ADARB2: variants seen among roughly 807,000 people sequenced by gnomAD.
The protein encoded by ADARB2 is inactive double-stranded RNA-specific editase B2.
ADARB2 carries 25 observed loss-of-function variants against 62.2 expected under a neutral mutation model. The ratio of observed to expected loss-of-function variants is 0.40; its 90% CI spans 0.29 to 0.56. The LOEUF (loss-of-function observed/expected upper bound fraction) is 0.56, where lower values mean the gene tolerates loss of function less well. Among genes scored for constraint, ADARB2 ranks in the 20% least tolerant of loss-of-function variants. The probability of loss-of-function intolerance (pLI) is 0.43; values close to 1 mark genes in which losing one functional copy is unlikely to be tolerated. For synonymous variants in ADARB2, 572 were observed against 500.8 expected (o/e 1.14, Z -1.90); for missense variants, 1,071 against 1,077.4 (o/e 0.99, Z 0.08).
intron 4 of ADARB2, among the ~76,000 whole-genome samples, chr10:1,250,388 G>A (rs1160154836): frequency 1.3e-5 from 2 of 152,020 alleles, no homozygotes; most frequent in South Asian, 2.1e-4. Flanking sequence ...TCCTCAAGGC[G>A]GTGAGTTCTT....
chr10:1,665,853 CA>C (rs1480030166), intron 1 of ADARB2, among the ~76,000 whole-genome samples: 2 of 152,198 alleles, frequency 1.3e-5, no homozygotes, highest in African/African-American at 4.8e-5. Context: ...GGGTTTGCAG[CA>C]TCTCAGGGCT....
chr10:1,234,056 C>T (rs1165583008), intron 5 of ADARB2, among the ~76,000 whole-genome samples: 1 of 150,824 alleles, frequency 6.6e-6, no homozygotes, highest in African/African-American at 2.4e-5. Flanking sequence ...CTGCAACCTC[C>T]ACCCACTGAG....
chr10:1,595,385 T>G (rs893693829), intron 1 of ADARB2, among the ~76,000 whole-genome samples: 9 of 152,108 alleles, frequency 5.9e-5, no homozygotes, highest in African/African-American at 2.2e-4. Flanking sequence ...CATCAGACAG[T>G]ATGGTATGGA....
chr10:1,561,672 G>A (rs1333348651), intron 1 of ADARB2, among the ~76,000 whole-genome samples: 14 of 152,094 alleles, frequency 9.2e-5, no homozygotes, highest in Non-Finnish European at 2.9e-5. Context: ...CCTGATCCTG[G>A]ATGCTGATAA....
At chr10:1,701,749 G>C (rs2119140515) in intron 1 of ADARB2, among the ~76,000 whole-genome samples, 2 of 41,682 alleles carry the variant, frequency 4.8e-5, no homozygotes, top group South Asian at 2.5e-3. Context: ...ACTCCACCGG[G>C]AGACCAGGCG....
intron 4 of ADARB2, among the ~76,000 whole-genome samples, chr10:1,246,252 A>T (rs1381335384): frequency 6.6e-6 from 1 of 151,474 alleles, no homozygotes; most frequent in African/African-American, 2.4e-5. Context: ...TTGTCAGATG[A>T]GTAGATTGCA....
At chr10:1,570,311 G>A (rs1337036019) in intron 1 of ADARB2, among the ~76,000 whole-genome samples, 1 of 152,148 alleles carries the variant, frequency 6.6e-6, no homozygotes, top group Admixed American at 6.5e-5. Flanking sequence ...ACATGTGTTT[G>A]CTTTGCTGTC....
At chr10:1,697,357 T>C (rs544401388) in intron 1 of ADARB2, among the ~76,000 whole-genome samples, 1 of 152,146 alleles carries the variant, frequency 6.6e-6, no homozygotes, top group Non-Finnish European at 1.5e-5. Flanking sequence ...TGTTGCTCAG[T>C]TTTCAGATGC....
At chr10:1,520,222 C>A (rs1832056634) in intron 1 of ADARB2, among the ~76,000 whole-genome samples, 1 of 152,172 alleles carries the variant, frequency 6.6e-6, no homozygotes, top group African/African-American at 2.4e-5. Flanking sequence ...GGTTAAAAAT[C>A]CAGTTTCTGA....
chr10:1,553,443 G>A (rs1832657527), intron 1 of ADARB2, among the ~76,000 whole-genome samples: 2 of 152,122 alleles, frequency 1.3e-5, no homozygotes, highest in Admixed American at 1.3e-4. Flanking sequence ...TAAAACGTTT[G>A]GCCTGCTCCC....
chr10:1,529,253 AC>A lies in ADARB2; in HGVS notation c.101-150094del, dbSNP rs1832189570. Among the ~76,000 whole-genome samples, 2 of 140,082 alleles carry A rather than the reference AC, an allele frequency of 1.4e-5. 1 individual carries two copies. Among genetic ancestry groups the A allele is most frequent in the Non-Finnish European group, 3.2e-5 (2 of 63,062 alleles). The allele number at this position is 140,082 out of a possible 152,430, so 91.9% of individuals were successfully genotyped here. ...CCAACACAAATCCTCCAATCAGTCC[AC>A]GCACCATGCCCAACACCAATCCTCC... On this transcript the variant is annotated intron_variant, in intron 1 of 9. Transcript: ENST00000381312.
chr10:1,427,304 A>G (rs1468753841), intron 1 of ADARB2, among the ~76,000 whole-genome samples: 1 of 152,246 alleles, frequency 6.6e-6, no homozygotes, highest in Non-Finnish European at 1.5e-5. Flanking sequence ...CAAGATTAAG[A>G]TAAAGTATTT....
chr10:1,623,294 C>G (rs1833729276), intron 1 of ADARB2, among the ~76,000 whole-genome samples: 1 of 152,174 alleles, frequency 6.6e-6, no homozygotes, highest in African/African-American at 2.4e-5. Flanking sequence ...TCATGCAGCT[C>G]AACACTGTAG....
chr10:1,359,065 T>C (rs952730121), intron 3 of ADARB2, among the ~76,000 whole-genome samples: 1 of 152,284 alleles, frequency 6.6e-6, no homozygotes, highest in East Asian at 1.9e-4. Flanking sequence ...GTTTTGTGAT[T>C]TTATCATTTT....
At chr10:1,405,417 G>A (rs1431584852) in intron 1 of ADARB2, among the ~76,000 whole-genome samples, 1 of 152,054 alleles carries the variant, frequency 6.6e-6, no homozygotes, top group African/African-American at 2.4e-5. Flanking sequence ...ATTCAATGTG[G>A]TCAGGAGTTC....
chr10:1,651,349 G>C (rs1389948859), intron 1 of ADARB2, among the ~76,000 whole-genome samples: 2 of 152,250 alleles, frequency 1.3e-5, no homozygotes, highest in African/African-American at 4.8e-5. Context: ...GTTGGCCCTG[G>C]CGAGCCCCAG....
chr10:1,670,485 G>A (rs1834370852), intron 1 of ADARB2, among the ~76,000 whole-genome samples: 1 of 152,178 alleles, frequency 6.6e-6, no homozygotes, highest in South Asian at 2.1e-4. Flanking sequence ...GAAACACCAG[G>A]AGCTCCTGCT....
chr10:1,367,071 C>A (rs1418755708), intron 2 of ADARB2, among the ~76,000 whole-genome samples: 1 of 150,074 alleles, frequency 6.7e-6, no homozygotes, highest in South Asian at 2.1e-4. Flanking sequence ...CTTATGACAT[C>A]GTTGTTGGAG....
intron 4 of ADARB2, among the ~76,000 whole-genome samples, chr10:1,263,653 A>T (rs1831165937): frequency 6.6e-6 from 1 of 152,052 alleles, no homozygotes; most frequent in African/African-American, 2.4e-5. Context: ...AAAAATATTT[A>T]TTTTCTCCTC....
Sources: allele counts gnomAD v4.1 joint callset (sites outside exome capture counted in the v4.1 genomes callset), GRCh38; gene constraint gnomAD v4.1.1; transcripts MANE v1.5; gene names NCBI Gene and HGNC (gene_info 2026-07-23, HGNC 2026-07-21).